NAALAD2: variants seen among roughly 807,000 people sequenced by gnomAD.
NAALAD2 encodes the protein N-acetylated-alpha-linked acidic dipeptidase 2.
A neutral mutation model predicts 95.6 loss-of-function variants in NAALAD2; 89 were observed. The observed-to-expected ratio is 0.93, with a 90% CI of 0.78 to 1.11. The LOEUF is 1.11. Among genes scored for constraint, NAALAD2 ranks in the 50% least tolerant of loss-of-function variants. The probability of loss-of-function intolerance (pLI) is 0.00; values close to 1 mark genes in which losing one functional copy is unlikely to be tolerated. For synonymous variants in NAALAD2, 264 were observed against 294.4 expected (o/e 0.90, Z 1.06); for missense variants, 894 against 872.4 (o/e 1.02, Z -0.31).
chr11:90,139,255 A>G (rs866237369), intron 2 of NAALAD2, among the ~76,000 whole-genome samples: 2 of 151,702 alleles, frequency 1.3e-5, no homozygotes, highest in Admixed American at 6.6e-5. Context: ...AAAGACTGAA[A>G]GCTGGTGTTT....
intron 2 of NAALAD2, 92 bp from the exon 3 acceptor site, chr11:90,147,238 C>T (rs111756991): frequency 2.6e-5 from 25 of 967,906 alleles, no homozygotes; most frequent in African/African-American, 2.0e-4. Context: ...CAACTTAATG[C>T]CCAATGCATA....
chr11:90,162,258 G>C (rs1952317815), intron 8 of NAALAD2, among the ~76,000 whole-genome samples: 1 of 152,024 alleles, frequency 6.6e-6, no homozygotes, highest in Admixed American at 6.6e-5. Context: ...ATTTTCCCTT[G>C]TTTTCTAATT....
intron 2 of NAALAD2, among the ~76,000 whole-genome samples, chr11:90,144,574 C>A (rs530794632): frequency 6.6e-6 from 1 of 151,672 alleles, no homozygotes. Flanking sequence ...AACCCCACCT[C>A]TATTAAAAAT....
chr11:90,158,342 T>C (rs1160526103), intron 7 of NAALAD2, 104 bp downstream of exon 7: 1 of 766,974 alleles, frequency 1.3e-6, no homozygotes, highest in Non-Finnish European at 2.2e-6. Context: ...CAAAGTTTTA[T>C]AACTAAATAA....
chr11:90,139,580 A>G (rs1951551622), intron 2 of NAALAD2, among the ~76,000 whole-genome samples: 1 of 152,134 alleles, frequency 6.6e-6, no homozygotes, highest in African/African-American at 2.4e-5. Context: ...TCTTATCTCG[A>G]CACTTTAAGT....
chr11:90,178,852 A>G (rs1952883274), intron 16 of NAALAD2, among the ~76,000 whole-genome samples: 4 of 152,142 alleles, frequency 2.6e-5, no homozygotes, highest in Admixed American at 2.6e-4. Context: ...CCATGGTTAT[A>G]AGTATACTTT....
intron 16 of NAALAD2, among the ~76,000 whole-genome samples, chr11:90,179,625 C>A (rs946721481): frequency 6.6e-6 from 1 of 151,878 alleles, no homozygotes; most frequent in African/African-American, 2.4e-5. Context: ...GAGATAAAAC[C>A]AGAGAAATAA....
At chr11:90,174,069 C>T (rs1234630197) in intron 14 of NAALAD2, among the ~76,000 whole-genome samples, 154 bp downstream of exon 14, 6 of 152,142 alleles carry the variant, frequency 3.9e-5, no homozygotes, top group Admixed American at 2.6e-4. Flanking sequence ...CAGTAGCTCA[C>T]GCCTATAATC....
intron 2 of NAALAD2, among the ~76,000 whole-genome samples, chr11:90,140,337 G>A (rs2069054322): frequency 6.6e-6 from 1 of 151,974 alleles, no homozygotes; most frequent in Non-Finnish European, 1.5e-5. Context: ...GTCTGTAACT[G>A]TATGCCTACG....
At chr11:90,177,625 G>C (rs932649417) in intron 15 of NAALAD2, among the ~76,000 whole-genome samples, 7 of 38,542 alleles carry the variant, frequency 1.8e-4, no homozygotes, top group Non-Finnish European at 3.3e-4. Context: ...TTTTTTTTTT[G>C]TATTTTTAGT....
At chr11:90,147,256 C>A in intron 2 of NAALAD2, 74 bp from the exon 3 acceptor site, 1 of 1,142,580 alleles carries the variant, frequency 8.8e-7, no homozygotes, top group Non-Finnish European at 1.3e-6. Context: ...ATAAGTAGTG[C>A]ATTTAGAATA....
rs757901679 is a variant in NAALAD2 at position 90,163,569 on chromosome 11, C to T, written c.1230C>T (p.Ser410=). 6.2e-7 allele frequency: 1 copy of T among 1,614,016 alleles called. No individual in the cohort carries two copies. The highest frequency in any genetic ancestry group is 1.7e-5 in the Admixed American group (1 of 60,006). ...WRPRRTIIFA[S]WDAEEFGLLG... Reference sequence around the variant, plus strand: ...CTAGAAGAACTATCATTTTTGCCAGCTGGGATGCAGAAGAATTTGGACTTC... The same window carrying T: ...CTAGAAGAACTATCATTTTTGCCAGTTGGGATGCAGAAGAATTTGGACTTC... The change falls in exon 11 of 19, where the codon AGC becomes AGT. Residue 410 remains serine, a synonymous_variant. Coordinates refer to ENST00000534061, the MANE Select transcript of NAALAD2 (RefSeq NM_005467.4).
intron 15 of NAALAD2, among the ~76,000 whole-genome samples, chr11:90,177,586 G>GTTTTTTTTTTTTT: frequency 0.025 from 706 of 28,464 alleles, 318 homozygotes; most frequent in Non-Finnish European, 0.029. Context: ...TCTTTTTCTT[G>GTTTTTTTTTTTTT]TTTTTTTTTT....
chr11:90,157,728 C>CT (rs35245326), intron 6 of NAALAD2, among the ~76,000 whole-genome samples: 67,158 of 149,000 alleles, frequency 0.45, 15,914 homozygotes, highest in African/African-American at 0.61. Context: ...TTTTGGGGAA[C>CT]TTTTTTTTTT....
chr11:90,175,738 G>A (rs180805949), intron 14 of NAALAD2, among the ~76,000 whole-genome samples: 13 of 152,228 alleles, frequency 8.5e-5, no homozygotes, highest in African/African-American at 3.1e-4. Flanking sequence ...AGTATTTGCA[G>A]TTTTTGCCAT....
intron 11 of NAALAD2, among the ~76,000 whole-genome samples, chr11:90,165,847 G>GT (rs1345860181): frequency 6.6e-6 from 1 of 152,064 alleles, no homozygotes; most frequent in Non-Finnish European, 1.5e-5. Context: ...ACATGCATCT[G>GT]TTTTTTAAAT....
intron 15 of NAALAD2, 100 bp downstream of exon 15, chr11:90,176,162 G>A: frequency 1.2e-6 from 1 of 840,022 alleles, no homozygotes; most frequent in East Asian, 2.7e-5. Flanking sequence ...GGTGGATGTG[G>A]CCTGGGAAGA....
Position 90,175,972 on chromosome 11 carries a change from A to C in NAALAD2, c.1503A>C (p.Arg501Ser). 6.2e-7 allele frequency: 1 copy of C among 1,604,750 alleles called. No individual in the cohort carries two copies. Among genetic ancestry groups the C allele is most frequent in the Non-Finnish European group, 8.5e-7 (1 of 1,172,038 alleles). ...TGTGTGGATTGCATTCTACATCTAG[A>C]ATCAATAAGCTGGGATCTGGAAGTG... is the stretch of plus-strand genomic sequence containing the variant. ...DPSPENKNLP[R>S]INKLGSGSDF... Residue 501 changes from arginine (R) to serine (S), a missense_variant and splice_region_variant, in exon 15 of 19, where the codon AGA becomes AGC. By Grantham distance (110) the Arg-to-Ser change is moderately radical. Transcript: ENST00000534061.
chr11:90,188,039 G>A (rs1356521562), intron 18 of NAALAD2, among the ~76,000 whole-genome samples: 1 of 152,110 alleles, frequency 6.6e-6, no homozygotes, highest in Non-Finnish European at 1.5e-5. Flanking sequence ...ACAGAAAACG[G>A]AAATGAGTAA....
Sources: gnomAD v4.1 joint callset for allele counts (sites outside exome capture counted in the v4.1 genomes callset) on GRCh38, gnomAD v4.1.1 for gene constraint, MANE v1.5 for transcripts, NCBI Gene and HGNC (gene_info 2026-07-23, HGNC 2026-07-21) for gene names.